Variants in AGBL1 observed in about 807,000 individuals in gnomAD.
AGBL1 encodes the protein AGBL carboxypeptidase 1.
AGBL1 carries 130 observed loss-of-function variants against 118.9 expected under a neutral mutation model. The observed-to-expected ratio is 1.09, with a 90% confidence interval of 0.95 to 1.26. The LOEUF is 1.26. Among genes scored for constraint, AGBL1 ranks in the 50% most tolerant of loss-of-function variants. The pLI, the probability that AGBL1 is intolerant of heterozygous loss-of-function variation, is 0.00. For synonymous variants in AGBL1, 555 were observed against 478.9 expected (o/e 1.16, Z -2.08); for missense variants, 1,584 against 1,298.1 (o/e 1.22, Z -3.38).
chr15:86,519,663 C>T (rs1008074574), intron 18 of AGBL1, among the ~76,000 whole-genome samples: 2 of 152,148 alleles, frequency 1.3e-5, no homozygotes, highest in Non-Finnish European at 2.9e-5. Flanking sequence ...CAGAGATACT[C>T]TCCAAATCAT....
chr15:86,967,538 A>G (rs933028949), intron 23 of AGBL1, among the ~76,000 whole-genome samples: 1 of 152,144 alleles, frequency 6.6e-6, no homozygotes, highest in African/African-American at 2.4e-5. Context: ...TCAGCTTTCT[A>G]CATATGGCTA....
chr15:86,933,748 CT>C (rs1439453847), intron 23 of AGBL1, among the ~76,000 whole-genome samples: 8 of 152,178 alleles, frequency 5.3e-5, no homozygotes, highest in Non-Finnish European at 1.2e-4. Flanking sequence ...AAGAATAGCT[CT>C]ATTCTAACCA....
In AGBL1 at chr15:86,282,334, A is replaced by G. The variant is rs547607124; in HGVS notation, c.2220+2551A>G. ...GCTTATTGGCTTGTTACTGTTAACA[A>G]TATTAATAACTATTACTGTTACTAT... On this transcript the variant is annotated intron_variant, in intron 16 of 22. Coordinates refer to ENST00000614907, the MANE Select transcript of AGBL1 (RefSeq NM_001386094.1). 6.0e-4 allele frequency among the ~76,000 whole-genome samples: 91 copies of G among 152,322 alleles called. 2 individuals carry two copies. The South Asian group carries it at 0.018, about 30-fold the overall frequency.
intron 4 of AGBL1, among the ~76,000 whole-genome samples, chr15:86,155,975 G>T (rs2141696110): frequency 6.6e-6 from 1 of 152,254 alleles, no homozygotes; most frequent in African/African-American, 2.4e-5. Context: ...AGGCTGGAGT[G>T]CACTGGTGTG....
At chr15:86,988,114 A>G in intron 24 of AGBL1, 3 of 1,610,532 alleles carry the variant, frequency 1.9e-6, no homozygotes, top group Non-Finnish European at 2.5e-6. Flanking sequence ...TCCTGATTGT[A>G]CATTGCTTGG....
At chr15:86,473,724 T>C (rs998827912) in intron 18 of AGBL1, among the ~76,000 whole-genome samples, 1 of 152,364 alleles carries the variant, frequency 6.6e-6, no homozygotes, top group East Asian at 1.9e-4. Flanking sequence ...GTGATGCTTA[T>C]GTTTATGGCA....
chr15:86,643,967 A>C (rs571717175), intron 21 of AGBL1, among the ~76,000 whole-genome samples: 1 of 152,294 alleles, frequency 6.6e-6, no homozygotes, highest in South Asian at 2.1e-4. Flanking sequence ...AATGCAGTCT[A>C]TACAATGTCT....
rs2080354740 is a variant in AGBL1 at position 86,911,727 on chromosome 15, A to C, written c.*4433A>C. ...TCACATTTTTCCTCTGCCTCTGATAAGAATCTCCCATTCTCTCATTTGGGA... is the reference window on the plus strand; with the variant it reads ...TCACATTTTTCCTCTGCCTCTGATACGAATCTCCCATTCTCTCATTTGGGA... On this transcript the variant is annotated 3_prime_UTR_variant, in exon 23 of 23. Coordinates refer to ENST00000614907, the MANE Select transcript of AGBL1 (RefSeq NM_001386094.1). The C allele has an allele frequency of 6.6e-6, 1 of 152,202 alleles. No individual in the cohort carries two copies. Among genetic ancestry groups the C allele is most frequent in the Non-Finnish European group, 1.5e-5 (1 of 68,050 alleles). The allele number at this position is 152,202 out of a possible 1,614,324, so 9.4% of individuals were successfully genotyped here. A position where few individuals can be genotyped will look rare whatever the true frequency, so the allele number is the denominator to read the frequency against.
intron 5 of AGBL1, among the ~76,000 whole-genome samples, chr15:86,219,435 C>T (rs931708514): frequency 1.3e-5 from 2 of 152,168 alleles, no homozygotes; most frequent in African/African-American, 2.4e-5. Flanking sequence ...TTCACACCAT[C>T]CCATCAGTTA....
At chr15:86,612,457 G>T (rs1408548090) in intron 21 of AGBL1, among the ~76,000 whole-genome samples, 1 of 151,106 alleles carries the variant, frequency 6.6e-6, no homozygotes, top group Non-Finnish European at 1.5e-5. Context: ...GAAGGATGGG[G>T]GTCTGACATG....
chr15:86,228,029 C>T (rs967614495), intron 6 of AGBL1, among the ~76,000 whole-genome samples: 11 of 152,108 alleles, frequency 7.2e-5, no homozygotes, highest in Non-Finnish European at 1.5e-5. Flanking sequence ...AGGCAGCTGC[C>T]GTCTTTGTTT....
At chr15:86,335,035 A>G (rs2080340681) in intron 17 of AGBL1, among the ~76,000 whole-genome samples, 1 of 152,248 alleles carries the variant, frequency 6.6e-6, no homozygotes, top group Non-Finnish European at 1.5e-5. Flanking sequence ...GAAGAACTTA[A>G]GAAAATGAAG....
intron 22 of AGBL1, among the ~76,000 whole-genome samples, chr15:86,891,007 T>C (rs2080044555): frequency 6.6e-6 from 1 of 152,242 alleles, no homozygotes. Flanking sequence ...ATTTTCACTA[T>C]ATTAATTCTT....
intron 6 of AGBL1, among the ~76,000 whole-genome samples, chr15:86,243,733 G>T (rs948291331): frequency 6.6e-5 from 10 of 152,074 alleles, no homozygotes; most frequent in Non-Finnish European, 1.2e-4. Flanking sequence ...TGTAGGCCGG[G>T]CATGGTGGGT....
At chr15:86,646,334 T>C (rs1004188091) in intron 21 of AGBL1, among the ~76,000 whole-genome samples, 11 of 152,200 alleles carry the variant, frequency 7.2e-5, no homozygotes, top group Non-Finnish European at 1.5e-4. Flanking sequence ...TTCAGTTTAG[T>C]GGCTATTAGC....
chr15:86,452,482 C>A (rs10520631), intron 18 of AGBL1, among the ~76,000 whole-genome samples: 1 of 152,014 alleles, frequency 6.6e-6, no homozygotes, highest in Non-Finnish European at 1.5e-5. Flanking sequence ...CCAGGAACTC[C>A]TTCATGGAAA....
At chr15:86,207,887 T>TG (rs1012170111) in intron 5 of AGBL1, among the ~76,000 whole-genome samples, 1 of 152,222 alleles carries the variant, frequency 6.6e-6, no homozygotes, top group African/African-American at 2.4e-5. Context: ...CCCTGTCTTG[T>TG]GCCACTTTTC....
At chr15:86,821,427 T>C (rs1171191777) in intron 22 of AGBL1, among the ~76,000 whole-genome samples, 1 of 152,230 alleles carries the variant, frequency 6.6e-6, no homozygotes, top group African/African-American at 2.4e-5. Context: ...TTATTCGATA[T>C]GAAGAACAAC....
chr15:86,632,407 C>T (rs1261858857), intron 21 of AGBL1, among the ~76,000 whole-genome samples: 1 of 152,026 alleles, frequency 6.6e-6, no homozygotes, highest in Non-Finnish European at 1.5e-5. Context: ...TTCACCATTG[C>T]ACTCCAGCCT....
Sources: gnomAD v4.1 joint callset for allele counts (sites outside exome capture counted in the v4.1 genomes callset) on GRCh38, gnomAD v4.1.1 for gene constraint, MANE v1.5 for transcripts, NCBI Gene and HGNC (gene_info 2026-07-23, HGNC 2026-07-21) for gene names.